The following FAM184B variants were observed in gnomAD, a reference collection of about 807,000 sequenced individuals.
FAM184B encodes family with sequence similarity 184 member B.
FAM184B carries 111 observed loss-of-function variants against 135.9 expected under a neutral mutation model. The ratio of observed to expected loss-of-function variants is 0.82; its 90% CI spans 0.70 to 0.96. The LOEUF is 0.96. Among genes scored for constraint, FAM184B ranks in the 40% least tolerant of loss-of-function variants. FAM184B has a pLI of 0.00. For synonymous variants in FAM184B, 552 were observed against 524.8 expected (o/e 1.05, Z -0.71); for missense variants, 1,375 against 1,323.9 (o/e 1.04, Z -0.60).
At position 17,713,770 on chromosome 4, in the gene FAM184B, G is replaced by A. The variant is rs140410306; in HGVS notation, c.142-4126C>T. ...CTCACTCAGTCATTTATTCATTCGC[G>A]GATTCACTGCACATCTCGGATGTGG... On this transcript the variant is annotated intron_variant, in intron 1 of 17. Transcript: ENST00000265018. Among the ~76,000 whole-genome samples the A allele has an allele frequency of 2.0e-4, 30 of 152,274 alleles. 1 individual carries two copies. The East Asian group carries it at 5.6e-3, about 28-fold the overall frequency.
intron 7 of FAM184B, among the ~76,000 whole-genome samples, chr4:17,667,234 A>G (rs1009992679): frequency 1.3e-5 from 2 of 152,032 alleles, no homozygotes; most frequent in East Asian, 3.9e-4. Flanking sequence ...TTCTCATATT[A>G]CAGGTGTAAG....
At chr4:17,750,888 C>T (rs1184855481) in intron 1 of FAM184B, among the ~76,000 whole-genome samples, 1 of 152,130 alleles carries the variant, frequency 6.6e-6, no homozygotes, top group Non-Finnish European at 1.5e-5. Context: ...TCTAAGCTGG[C>T]TTGGTAGCCT....
At chr4:17,641,990 G>A in intron 13 of FAM184B, 66 bp downstream of exon 13, 1 of 1,472,012 alleles carries the variant, frequency 6.8e-7, no homozygotes, top group Non-Finnish European at 8.9e-7. Context: ...GCCGCAGTAG[G>A]GGGAGGGGGG....
At chr4:17,740,489 A>T (rs549943036) in intron 1 of FAM184B, among the ~76,000 whole-genome samples, 57 of 152,218 alleles carry the variant, frequency 3.7e-4, no homozygotes, top group Middle Eastern at 6.8e-3. Flanking sequence ...GTAATTCAGG[A>T]AGTACTTTGG....
At chr4:17,759,298 T>A (rs1332160593) in intron 1 of FAM184B, among the ~76,000 whole-genome samples, 1 of 152,144 alleles carries the variant, frequency 6.6e-6, no homozygotes, top group Non-Finnish European at 1.5e-5. Context: ...TGTTTAAAAG[T>A]GTGTAGCCCC....
At chr4:17,756,664 C>G (rs1373243524) in intron 1 of FAM184B, among the ~76,000 whole-genome samples, 1 of 152,138 alleles carries the variant, frequency 6.6e-6, no homozygotes, top group Non-Finnish European at 1.5e-5. Flanking sequence ...GTGGCTCACA[C>G]CTGTCATCCC....
At chr4:17,755,787 C>T (rs1475291028) in intron 1 of FAM184B, among the ~76,000 whole-genome samples, 4 of 152,140 alleles carry the variant, frequency 2.6e-5, no homozygotes, top group Non-Finnish European at 5.9e-5. Context: ...AAGCCGTTAT[C>T]CTCAGCAAAC....
Position 17,705,168 on chromosome 4 carries a change from C to T in FAM184B, c.1209G>A (p.Lys403=). ...KEASAETEYM[K]QQYEEDLRKI... Reference sequence around the variant, plus strand: ...TACGAAGGTCTTCTTCATATTGTTGCTTCATATATTCTGTCTCAGCACTTG... The same window carrying T: ...TACGAAGGTCTTCTTCATATTGTTGTTTCATATATTCTGTCTCAGCACTTG... Residue 403 remains lysine (K), a synonymous_variant, in exon 5 of 18, where the codon AAG becomes AAA. Coordinates refer to ENST00000265018, the MANE Select transcript of FAM184B (RefSeq NM_015688.2). 6.4e-7 allele frequency: 1 copy of T among 1,551,800 alleles called. No homozygotes were observed. Among genetic ancestry groups the T allele is most frequent in the Non-Finnish European group, 8.7e-7 (1 of 1,147,034 alleles).
intron 12 of FAM184B, among the ~76,000 whole-genome samples, chr4:17,645,483 C>A (rs1049124447): frequency 6.6e-6 from 1 of 151,950 alleles, no homozygotes; most frequent in Non-Finnish European, 1.5e-5. Context: ...GGGAAAGGAT[C>A]CCCTATTTAA....
intron 11 of FAM184B, 88 bp from the exon 12 acceptor site, chr4:17,647,879 G>GGC: frequency 7.2e-7 from 1 of 1,398,374 alleles, no homozygotes; most frequent in Non-Finnish European, 9.6e-7. Context: ...GGTGGGGTTG[G>GGC]ATGACGTGGG....
chr4:17,653,000 G>A lies in FAM184B; in HGVS notation c.2038-17C>T, dbSNP rs372880942. 2.6e-6 allele frequency: 4 copies of A among 1,551,156 alleles called. No individual in the cohort carries two copies. In the South Asian group the frequency reaches 3.6e-5, roughly 14 times the overall value. ...CTCTGTGGCCTGTGGGAAAAAGTGG[G>A]AACAAGAAGGCATGAAAGTGGGCAT... On this transcript the variant is annotated splice_polypyrimidine_tract_variant and intron_variant, in intron 10 of 17. Coordinates refer to ENST00000265018, the MANE Select transcript of FAM184B (RefSeq NM_015688.2).
intron 7 of FAM184B, among the ~76,000 whole-genome samples, chr4:17,666,047 C>A (rs982665722): frequency 6.6e-6 from 1 of 152,136 alleles, no homozygotes; most frequent in Non-Finnish European, 1.5e-5. Flanking sequence ...TGGCTGTTCC[C>A]TCTTCCCTCT....
intron 7 of FAM184B, among the ~76,000 whole-genome samples, chr4:17,666,171 C>G (rs1345603533): frequency 6.6e-6 from 1 of 152,096 alleles, no homozygotes; most frequent in African/African-American, 2.4e-5. Context: ...AGATCTTTTA[C>G]TTATTAACGA....
chr4:17,630,559 A>G lies in FAM184B; in HGVS notation c.*1973T>C, dbSNP rs1235743110. 1 of 152,178 alleles carries G rather than the reference A, an allele frequency of 6.6e-6. No individual in the cohort carries two copies. The allele number at this position is 152,178 out of a possible 1,614,324, so 9.4% of individuals were successfully genotyped here. A position where few individuals can be genotyped will look rare whatever the true frequency, so the allele number is the denominator to read the frequency against. On this transcript the variant is annotated 3_prime_UTR_variant, in exon 18 of 18. Coordinates refer to ENST00000265018, the MANE Select transcript of FAM184B (RefSeq NM_015688.2). ...AGTGACATATTTCTATTGTTTATAA[A>G]TTATCCAGTATAAGTAAGATATTTT...
At position 17,635,058 on chromosome 4, in the gene FAM184B, C is replaced by G; in HGVS notation, c.2840G>C (p.Arg947Pro). 1 of 1,551,762 alleles carries G rather than the reference C, an allele frequency of 6.4e-7. No homozygotes were observed. The highest frequency in any genetic ancestry group is 8.7e-7 in the Non-Finnish European group (1 of 1,146,996). ...CGGGTGAGGATTGAAAGAGAAAGAC[C>G]GATTCCGGTGGGACATGGCACTGGG... ...AFPSAMSHRN[R>P]SFSFNPHPGY... Residue 947 changes from arginine (R) to proline (P), a missense_variant, in exon 16 of 18, where the codon CGG (arginine) becomes CCG (proline). By Grantham distance (103) the Arg-to-Pro change is moderately radical. Transcript: ENST00000265018.
In FAM184B at chr4:17,632,530, G is replaced by T. The variant is rs1714986374; in HGVS notation, c.*2C>A. ...CCTCTGTGATGTATCCCAAAGGTTA[G>T]CTTAGAAAGAAAAGTACTTGGTGAA... On this transcript the variant is annotated 3_prime_UTR_variant, in exon 18 of 18. Coordinates refer to ENST00000265018, the MANE Select transcript of FAM184B (RefSeq NM_015688.2). 2 of 1,547,710 alleles carry T rather than the reference G, an allele frequency of 1.3e-6. No homozygotes were observed. The highest frequency in any genetic ancestry group is 1.7e-6 in the Non-Finnish European group (2 of 1,143,772).
intron 2 of FAM184B, among the ~76,000 whole-genome samples, chr4:17,708,678 T>TATATAC (rs1370399472): frequency 5.5e-5 from 2 of 36,178 alleles, no homozygotes; most frequent in Admixed American, 3.4e-4. Flanking sequence ...TATATATATA[T>TATATAC]ATATATATAT....
intron 7 of FAM184B, among the ~76,000 whole-genome samples, chr4:17,674,290 A>G (rs1224597837): frequency 6.6e-6 from 1 of 152,142 alleles, no homozygotes; most frequent in African/African-American, 2.4e-5. Context: ...AAGACACACA[A>G]CTTTTTTTGT....
intron 10 of FAM184B, among the ~76,000 whole-genome samples, chr4:17,656,506 A>G (rs899474890): frequency 6.6e-6 from 1 of 152,036 alleles, no homozygotes; most frequent in African/African-American, 2.4e-5. Flanking sequence ...GGTTCAAGCA[A>G]TTCTCCTGCC....
Sources: allele counts gnomAD v4.1 joint callset (sites outside exome capture counted in the v4.1 genomes callset), GRCh38; gene constraint gnomAD v4.1.1; transcripts MANE v1.5; gene names NCBI Gene and HGNC (gene_info 2026-07-23, HGNC 2026-07-21).